The following SPOCK3 variants were observed in gnomAD, a reference collection of about 807,000 sequenced individuals.
SPOCK3 encodes the protein testican-3.
A neutral mutation model predicts 56.6 loss-of-function variants in SPOCK3; 30 were observed. The observed-to-expected ratio is 0.53, with a 90% CI of 0.40 to 0.72. The LOEUF (loss-of-function observed/expected upper bound fraction) is 0.72. Ranked by LOEUF, SPOCK3 falls within the 30% of genes least tolerant of loss-of-function variation. The pLI is 0.00. For missense variants in SPOCK3, 527 were observed against 530.0 expected, an observed-to-expected ratio of 0.99 and a Z score of 0.06; for synonymous variants, 196 against 183.3, an observed-to-expected ratio of 1.07 and a Z score of -0.56.
At chr4:166,770,266 T>A (rs1476123582) in intron 7 of SPOCK3, among the ~76,000 whole-genome samples, 1 of 152,168 alleles carries the variant, frequency 6.6e-6, no homozygotes, top group South Asian at 2.1e-4. Context: ...ATCACCCATC[T>A]TCTGTGTCGC....
At chr4:167,021,686 G>A (rs778330423) in intron 3 of SPOCK3, among the ~76,000 whole-genome samples, 10 of 151,918 alleles carry the variant, frequency 6.6e-5, no homozygotes, top group Non-Finnish European at 1.3e-4. Context: ...CTAGTAGGTT[G>A]CACAGGAGCC....
chr4:166,882,519 T>A (rs62354071), intron 6 of SPOCK3, among the ~76,000 whole-genome samples: 40,549 of 151,972 alleles, frequency 0.27, 6,356 homozygotes, highest in East Asian at 0.66. Context: ...AATAGTTGTC[T>A]TAAAAGAACA....
intron 6 of SPOCK3, among the ~76,000 whole-genome samples, chr4:166,829,914 T>C (rs58200612): frequency 6.6e-6 from 1 of 151,958 alleles, no homozygotes; most frequent in Non-Finnish European, 1.5e-5. Flanking sequence ...TCCTTGACAC[T>C]GTGGTGGAAT....
intron 2 of SPOCK3, among the ~76,000 whole-genome samples, chr4:167,136,009 T>C (rs1763090928): frequency 6.6e-6 from 1 of 152,138 alleles, no homozygotes. Context: ...TCCCACCTTT[T>C]AGCTAATGTC....
intron 3 of SPOCK3, among the ~76,000 whole-genome samples, chr4:167,022,907 T>C (rs964747360): frequency 6.6e-6 from 1 of 152,018 alleles, no homozygotes; most frequent in Non-Finnish European, 1.5e-5. Flanking sequence ...AAGCAGATTT[T>C]TTTGTTCCAC....
At chr4:167,009,286 G>C (rs1749784371) in intron 3 of SPOCK3, among the ~76,000 whole-genome samples, 1 of 152,208 alleles carries the variant, frequency 6.6e-6, no homozygotes, top group Middle Eastern at 3.4e-3. Flanking sequence ...ATGGGAACTA[G>C]ATTTGGGAAC....
chr4:166,892,756 G>A (rs995889817), intron 5 of SPOCK3, among the ~76,000 whole-genome samples: 1 of 152,050 alleles, frequency 6.6e-6, no homozygotes, highest in African/African-American at 2.4e-5. Flanking sequence ...TAAGTTACGA[G>A]TTCTTGTGAA....
intron 6 of SPOCK3, among the ~76,000 whole-genome samples, chr4:166,831,223 C>T (rs1261085254): frequency 1.3e-5 from 2 of 152,110 alleles, no homozygotes; most frequent in African/African-American, 2.4e-5. Context: ...TTTGATTTTG[C>T]TTATTAATGT....
chr4:166,747,206 G>T, intron 8 of SPOCK3, among the ~76,000 whole-genome samples: 1 of 151,838 alleles, frequency 6.6e-6, no homozygotes, highest in East Asian at 1.9e-4. Flanking sequence ...GGCCAACATC[G>T]CTGATGAACA....
chr4:167,046,450 CT>C (rs67108499), intron 3 of SPOCK3, among the ~76,000 whole-genome samples: 5,033 of 53,626 alleles, frequency 0.094, 109 homozygotes, highest in East Asian at 0.15. Context: ...TTCTGATATT[CT>C]TTTTTTTTTT....
In SPOCK3 at chr4:167,167,915, C is replaced by T. The variant is rs534350497; in HGVS notation, c.189+66070G>A. On this transcript the variant is annotated intron_variant, in intron 2 of 10. Transcript: ENST00000357545. ...TAACCCCCAAATGCCAAGGTTAGGG[C>T]CAGGTGGAGAAAACTGAATCATGGG... Among the ~76,000 whole-genome samples the T allele has an allele frequency of 3.2e-4, 49 of 152,132 alleles. No individual in the cohort carries two copies. The South Asian group carries it at 9.7e-3, about 30-fold the overall frequency.
intron 2 of SPOCK3, among the ~76,000 whole-genome samples, chr4:167,205,315 T>A (rs1204645496): frequency 4.7e-4 from 21 of 44,900 alleles, no homozygotes; most frequent in Non-Finnish European, 7.1e-4. Context: ...TATTATATAT[T>A]TTATATATAT....
intron 7 of SPOCK3, among the ~76,000 whole-genome samples, chr4:166,783,751 A>G (rs939759068): frequency 2.0e-5 from 3 of 152,048 alleles, no homozygotes; most frequent in African/African-American, 7.2e-5. Context: ...TTTTATGTAT[A>G]CTTTTTCTAT....
chr4:167,133,793 T>G (rs1313860102), intron 2 of SPOCK3, among the ~76,000 whole-genome samples: 1 of 152,164 alleles, frequency 6.6e-6, no homozygotes, highest in Non-Finnish European at 1.5e-5. Context: ...TCAGAAGTCC[T>G]TCCCCTATTA....
chr4:167,097,984 G>A (rs537426290), intron 2 of SPOCK3, among the ~76,000 whole-genome samples: 47 of 151,992 alleles, frequency 3.1e-4, no homozygotes, highest in Admixed American at 1.4e-3. Context: ...TAATCTTTTA[G>A]TGTGCTTGTG....
intron 4 of SPOCK3, among the ~76,000 whole-genome samples, chr4:166,975,164 T>G (rs1457093786): frequency 6.6e-6 from 1 of 152,162 alleles, no homozygotes; most frequent in Non-Finnish European, 1.5e-5. Flanking sequence ...GACTTCCCGG[T>G]CTTTAGAACT....
At chr4:167,155,807 A>G (rs1764769923) in intron 2 of SPOCK3, among the ~76,000 whole-genome samples, 1 of 152,164 alleles carries the variant, frequency 6.6e-6, no homozygotes, top group African/African-American at 2.4e-5. Flanking sequence ...TCCGAGCCAC[A>G]TATGAAATTT....
At chr4:167,119,137 TGGGG>T (rs1334935218) in intron 2 of SPOCK3, among the ~76,000 whole-genome samples, 7 of 27,504 alleles carry the variant, frequency 2.5e-4, no homozygotes, top group African/African-American at 9.5e-4. Flanking sequence ...GAAGGCGGGG[TGGGG>T]GAGGGGGGGG....
chr4:167,229,224 CTTTAA>C (rs756551392), intron 2 of SPOCK3, among the ~76,000 whole-genome samples: 23 of 152,112 alleles, frequency 1.5e-4, no homozygotes, highest in Non-Finnish European at 2.5e-4. Context: ...ACAAATAAAT[CTTTAA>C]TTTTATTTTT....
Sources: allele counts gnomAD v4.1 joint callset (sites outside exome capture counted in the v4.1 genomes callset), GRCh38; gene constraint gnomAD v4.1.1; transcripts MANE v1.5; gene names NCBI Gene and HGNC (gene_info 2026-07-23, HGNC 2026-07-21).